Variants in XIRP2 observed in about 807,000 individuals in gnomAD.
The protein encoded by XIRP2 is xin actin-binding repeat-containing protein 2.
XIRP2 carries 236 observed loss-of-function variants against 277.0 expected under a neutral mutation model. The observed-to-expected ratio is 0.85, with a 90% CI of 0.77 to 0.95. The LOEUF (loss-of-function observed/expected upper bound fraction) is 0.95. XIRP2 is among the 40% of genes least tolerant of loss of function. XIRP2 has a pLI of 0.00. For missense variants in XIRP2, 4,640 were observed against 4,157.5 expected (o/e 1.12, Z -3.19); for synonymous variants, 1,490 against 1,416.5 (o/e 1.05, Z -1.17).
chr2:166,962,348 C>G (rs182483638), intron 2 of XIRP2, among the ~76,000 whole-genome samples: 3 of 151,480 alleles, frequency 2.0e-5, no homozygotes, highest in African/African-American at 7.3e-5. Context: ...CCACAAAAAC[C>G]GTGCATATGA....
chr2:167,164,642 T>G (rs909058436), intron 3 of XIRP2, among the ~76,000 whole-genome samples: 8 of 152,242 alleles, frequency 5.3e-5, no homozygotes, highest in South Asian at 2.1e-4. Flanking sequence ...TCCATGAATA[T>G]TTCATAGTTT....
intron 2 of XIRP2, among the ~76,000 whole-genome samples, chr2:166,985,650 T>G (rs1174465656): frequency 6.6e-6 from 1 of 152,084 alleles, no homozygotes; most frequent in Non-Finnish European, 1.5e-5. Context: ...CAGGATGGTC[T>G]TGATCTCCAG....
At chr2:167,012,136 C>A (rs1225045905) in intron 2 of XIRP2, among the ~76,000 whole-genome samples, 2 of 151,766 alleles carry the variant, frequency 1.3e-5, no homozygotes, top group East Asian at 3.9e-4. Flanking sequence ...TTTTCTAGTT[C>A]TTTTAATTGT....
rs372771414 is a variant in XIRP2 at position 167,120,933 on chromosome 2, G to A, written c.409-14976G>A. Reference sequence around the variant, plus strand: ...ATTTCATTGATTATTACAATTATATGTTGAAATATCTTTGGGGTAGCTACC... The same window carrying A: ...ATTTCATTGATTATTACAATTATATATTGAAATATCTTTGGGGTAGCTACC... On this transcript the variant is annotated intron_variant, in intron 2 of 10. Transcript: ENST00000409195. Among the ~76,000 whole-genome samples, 28 of 152,238 alleles carry A rather than the reference G, an allele frequency of 1.8e-4. No individual in the cohort carries two copies. In the East Asian group the frequency reaches 4.4e-3, roughly 24 times the overall value.
intron 5 of XIRP2, among the ~76,000 whole-genome samples, chr2:167,220,569 C>A (rs963998354): frequency 6.6e-6 from 1 of 152,172 alleles, no homozygotes; most frequent in African/African-American, 2.4e-5. Context: ...ACTTCCACTG[C>A]GTTGGCCCCA....
chr2:167,074,019 C>T (rs1183655949), intron 2 of XIRP2, among the ~76,000 whole-genome samples: 2 of 152,094 alleles, frequency 1.3e-5, no homozygotes, highest in South Asian at 4.1e-4. Flanking sequence ...CTTTGATACT[C>T]CATGAGACAC....
At chr2:167,004,995 T>C (rs1006381684) in intron 2 of XIRP2, among the ~76,000 whole-genome samples, 11 of 151,866 alleles carry the variant, frequency 7.2e-5, no homozygotes, top group Non-Finnish European at 1.0e-4. Flanking sequence ...TTGCCATTGA[T>C]GGGATTTTTT....
chr2:167,166,964 A>G (rs1284324975), intron 3 of XIRP2, among the ~76,000 whole-genome samples: 2 of 152,214 alleles, frequency 1.3e-5, no homozygotes, highest in African/African-American at 2.4e-5. Flanking sequence ...AAATACATGT[A>G]TCTATTTCTC....
chr2:167,218,308 T>G lies in XIRP2; in HGVS notation c.858+8T>G, dbSNP rs2105400476. ...CAGAACAGATCTGAGCAGGTAATAC[T>G]ACTACAGGTGATGGGTAAATCAGGC... is the stretch of plus-strand genomic sequence containing the variant. On this transcript the variant is annotated splice_region_variant and intron_variant, in intron 5 of 10. Transcript: ENST00000409195. 1 of 1,458,256 alleles carries G rather than the reference T, an allele frequency of 6.9e-7. No individual in the cohort carries two copies. The highest frequency in any genetic ancestry group is 1.4e-5 in the African/African-American group (1 of 70,394). The allele number at this position is 1,458,256 out of a possible 1,614,324, so 90.3% of individuals were successfully genotyped here.
intron 3 of XIRP2, among the ~76,000 whole-genome samples, chr2:167,171,868 C>T (rs533786185): frequency 6.6e-6 from 1 of 152,302 alleles, no homozygotes; most frequent in East Asian, 1.9e-4. Context: ...AATATAGCCA[C>T]ATTAGTTTTC....
At chr2:167,159,490 T>A (rs542427184) in intron 3 of XIRP2, among the ~76,000 whole-genome samples, 75 of 152,312 alleles carry the variant, frequency 4.9e-4, no homozygotes, top group African/African-American at 1.8e-3. Context: ...TAAAATATTT[T>A]ATGTAATTTT....
intron 2 of XIRP2, among the ~76,000 whole-genome samples, chr2:166,933,075 CACACACACACAT>C (rs1380825190): frequency 1.3e-5 from 2 of 151,892 alleles, no homozygotes; most frequent in African/African-American, 4.8e-5. Context: ...TCTACACACA[CACACACACACAT>C]ACACACACAC....
chr2:167,195,386 A>G (rs1693468879), intron 3 of XIRP2, among the ~76,000 whole-genome samples: 1 of 152,106 alleles, frequency 6.6e-6, no homozygotes, highest in Non-Finnish European at 1.5e-5. Context: ...GACTCTCAAT[A>G]TATTCTCTCT....
In XIRP2 at chr2:167,215,468, A is replaced by G. The variant is rs113396354; in HGVS notation, c.724-2698A>G. The stretch of plus-strand genomic sequence containing the variant: ...ATTTAGATAATCCTAATATTAGTCT[A>G]TAATATTCTGGAGTATGGGAAACCC... On this transcript the variant is annotated intron_variant, in intron 4 of 10. Coordinates refer to ENST00000409195, the MANE Select transcript of XIRP2 (RefSeq NM_152381.6). 9.0e-4 allele frequency among the ~76,000 whole-genome samples: 137 copies of G among 152,320 alleles called. 1 individual carries two copies. Among genetic ancestry groups the G allele is most frequent in the African/African-American group, 3.1e-3 (129 of 41,572 alleles).
Position 167,022,680 on chromosome 2 carries a change from A to G in XIRP2, c.409-113229A>G, listed in dbSNP as rs547983386. ...TGTTCTCATTGTTCAATTCCCACCT[A>G]TGAGTGAGAACATGTGGTGTTCGGT... On this transcript the variant is annotated intron_variant, in intron 2 of 10. Transcript: ENST00000409195. 1.1e-3 allele frequency among the ~76,000 whole-genome samples: 168 copies of G among 149,804 alleles called. 2 individuals are homozygous for G. In the Middle Eastern group the frequency reaches 0.024, roughly 21 times the overall value.
chr2:167,055,440 T>C (rs1450380248), intron 2 of XIRP2, among the ~76,000 whole-genome samples: 1 of 152,194 alleles, frequency 6.6e-6, no homozygotes, highest in Non-Finnish European at 1.5e-5. Flanking sequence ...ATGCTTTTCA[T>C]CAAGGATATT....
chr2:167,023,592 A>G (rs543673655), intron 2 of XIRP2, among the ~76,000 whole-genome samples: 2 of 151,968 alleles, frequency 1.3e-5, no homozygotes, highest in African/African-American at 4.8e-5. Context: ...GTTTTAGGTC[A>G]AACATGTAAG....
intron 3 of XIRP2, among the ~76,000 whole-genome samples, chr2:167,151,251 C>T (rs73017959): frequency 0.1 from 15,130 of 152,030 alleles, 815 homozygotes; most frequent in South Asian, 0.15. Flanking sequence ...TAAGTGATGT[C>T]GGAAGTTGTT....
chr2:167,131,044 C>A (rs1292136768), intron 2 of XIRP2, among the ~76,000 whole-genome samples: 1 of 152,086 alleles, frequency 6.6e-6, no homozygotes, highest in Non-Finnish European at 1.5e-5. Flanking sequence ...TTTCTTCATT[C>A]TCTTCAGATA....
Sources: gnomAD v4.1 joint callset for allele counts (sites outside exome capture counted in the v4.1 genomes callset) on GRCh38, gnomAD v4.1.1 for gene constraint, MANE v1.5 for transcripts, NCBI Gene and HGNC (gene_info 2026-07-23, HGNC 2026-07-21) for gene names.